Variants in FRMD5 observed in about 807,000 individuals in gnomAD.
The protein encoded by FRMD5 is FERM domain containing 5.
In FRMD5, 20 loss-of-function variants were observed where a neutral mutation model predicts 69.0. The observed-to-expected ratio is 0.29, with a 90% CI of 0.20 to 0.42. FRMD5 has a LOEUF of 0.42. FRMD5 is among the 10% of genes least tolerant of loss of function. The pLI is 1.00. For synonymous variants in FRMD5, 271 were observed against 260.1 expected (o/e 1.04, Z -0.40); for missense variants, 595 against 708.6 (o/e 0.84, Z 1.82).
chr15:44,197,335 T>C (rs2078319975), upstream of FRMD5, among the ~76,000 whole-genome samples: 2 of 152,162 alleles, frequency 1.3e-5, no homozygotes, highest in Non-Finnish European at 2.9e-5. Context: ...ATTATTAATA[T>C]GCCAAAGTGA....
chr15:44,047,809 G>A (rs1892493072), intron 1 of FRMD5, among the ~76,000 whole-genome samples: 1 of 152,166 alleles, frequency 6.6e-6, no homozygotes, highest in African/African-American at 2.4e-5. Context: ...TTTATAAAAA[G>A]GGAATCATAC....
chr15:44,131,137 A>G (rs1221290305), intron 1 of FRMD5, among the ~76,000 whole-genome samples: 1 of 152,228 alleles, frequency 6.6e-6, no homozygotes, highest in Non-Finnish European at 1.5e-5. Context: ...GTATCAAAAA[A>G]GTAATTCTTT....
At chr15:43,996,354 G>A (rs544076642) in intron 1 of FRMD5, among the ~76,000 whole-genome samples, 46 of 152,282 alleles carry the variant, frequency 3.0e-4, no homozygotes, top group Non-Finnish European at 4.6e-4. Context: ...GGCAACGTCC[G>A]GTACTCACTC....
intron 1 of FRMD5, among the ~76,000 whole-genome samples, chr15:43,926,217 G>A (rs1198856111): frequency 1.3e-5 from 2 of 152,222 alleles, no homozygotes; most frequent in African/African-American, 4.8e-5. Flanking sequence ...AGGGTGAAGT[G>A]GGAGGAGAAT....
At chr15:44,071,899 T>G (rs1376255852) in intron 1 of FRMD5, among the ~76,000 whole-genome samples, 1 of 152,218 alleles carries the variant, frequency 6.6e-6, no homozygotes, top group Non-Finnish European at 1.5e-5. Flanking sequence ...GGAATCTTGC[T>G]CTGTCACCCA....
chr15:43,965,576 CTT>C (rs35986581), intron 1 of FRMD5, among the ~76,000 whole-genome samples: 71 of 110,350 alleles, frequency 6.4e-4, no homozygotes, highest in Admixed American at 9.6e-4. Context: ...TTTAAAAAGT[CTT>C]TTTTTTTTTT....
intron 1 of FRMD5, among the ~76,000 whole-genome samples, chr15:44,059,379 TAG>T (rs1190223799): frequency 6.6e-6 from 1 of 152,188 alleles, no homozygotes; most frequent in Non-Finnish European, 1.5e-5. Flanking sequence ...AAAGCCTTCA[TAG>T]AAGAACTAGA....
intron 1 of FRMD5, chr15:44,063,512 T>A (rs1048744698): frequency 6.9e-6 from 3 of 435,236 alleles, no homozygotes; most frequent in Non-Finnish European, 9.0e-6. Flanking sequence ...TGGGACACCA[T>A]GGTGAAGGTG....
chr15:43,960,041 C>T (rs1441636668), intron 1 of FRMD5, among the ~76,000 whole-genome samples: 1 of 152,130 alleles, frequency 6.6e-6, no homozygotes, highest in Non-Finnish European at 1.5e-5. Context: ...CCTCAGCCTC[C>T]CAAGTAGCTG....
intron 1 of FRMD5, among the ~76,000 whole-genome samples, chr15:43,947,541 A>G (rs2089965715): frequency 6.6e-6 from 1 of 152,182 alleles, no homozygotes; most frequent in South Asian, 2.1e-4. Flanking sequence ...CCTGGTTTTA[A>G]GGAGGTTGCA....
intron 1 of FRMD5, among the ~76,000 whole-genome samples, chr15:44,106,506 C>T (rs887324249): frequency 3.3e-5 from 5 of 152,128 alleles, no homozygotes; most frequent in Non-Finnish European, 7.4e-5. Flanking sequence ...TAGAAGGCCT[C>T]CTACAACCAT....
At chr15:44,154,955 T>C (rs1051640205) in intron 1 of FRMD5, among the ~76,000 whole-genome samples, 6 of 152,080 alleles carry the variant, frequency 3.9e-5, no homozygotes, top group Admixed American at 6.5e-5. Flanking sequence ...AAGTTATTTT[T>C]AAAAGAAAAA....
At position 43,989,806 on chromosome 15, in the gene FRMD5, A is replaced by G. The variant is rs1227117382; in HGVS notation, c.103-65497T>C. ...CACGTACATGGCTGGCCTGTCGAAG[A>G]TCTCCAACATGATCTGGGTCATCTT... On this transcript the variant is annotated intron_variant, in intron 1 of 13. Transcript: ENST00000417257. 5 of 1,038,204 alleles carry G rather than the reference A, an allele frequency of 4.8e-6. No homozygotes were observed. In the African/African-American group the frequency reaches 6.3e-5, roughly 13 times the overall value. 64.3% of individuals were successfully genotyped at this position (1,038,204 alleles called of 1,614,324 possible). A position where few individuals can be genotyped will look rare whatever the true frequency, so the allele number is the denominator to read the frequency against.
chr15:43,881,211 C>T (rs1395430762), intron 13 of FRMD5, among the ~76,000 whole-genome samples: 1 of 152,160 alleles, frequency 6.6e-6, no homozygotes, highest in African/African-American at 2.4e-5. Flanking sequence ...TGTCCCAGCT[C>T]TCTGTGGAGG....
At chr15:44,068,952 A>G (rs577437140) in intron 1 of FRMD5, among the ~76,000 whole-genome samples, 82 of 152,326 alleles carry the variant, frequency 5.4e-4, no homozygotes, top group African/African-American at 2.0e-3. Flanking sequence ...ATTGATATCT[A>G]TAAAGCCCAG....
At chr15:44,152,511 T>C (rs1212449238) in intron 1 of FRMD5, among the ~76,000 whole-genome samples, 1 of 152,226 alleles carries the variant, frequency 6.6e-6, no homozygotes, top group Non-Finnish European at 1.5e-5. Flanking sequence ...AAGCGTATGT[T>C]TAATTTTATT....
At position 44,121,280 on chromosome 15, in the gene FRMD5, G is replaced by C. The variant is rs529680766; in HGVS notation, c.102+73673C>G. Reference sequence around the variant, plus strand: ...ACTAGGACATCTGGGGCAGGGGGGTGGGAGGGGGAGTCAGCTTTCAGTGGA... The same window carrying C: ...ACTAGGACATCTGGGGCAGGGGGGTCGGAGGGGGAGTCAGCTTTCAGTGGA... On this transcript the variant is annotated intron_variant, in intron 1 of 13. Transcript: ENST00000417257. Among the ~76,000 whole-genome samples the C allele has an allele frequency of 3.7e-5, 5 of 133,748 alleles. 1 individual carries two copies. The highest frequency in any genetic ancestry group is 5.6e-4 in the South Asian group (2 of 3,564). The allele number at this position is 133,748 out of a possible 152,430, so 87.7% of individuals were successfully genotyped here. A position where few individuals can be genotyped will look rare whatever the true frequency, so the allele number is the denominator to read the frequency against.
chr15:44,142,934 A>G (rs1042199821), intron 1 of FRMD5, among the ~76,000 whole-genome samples: 1 of 152,080 alleles, frequency 6.6e-6, no homozygotes, highest in African/African-American at 2.4e-5. Context: ...ACTAAAATAT[A>G]CAAAAATTAG....
chr15:43,905,838 T>A lies in FRMD5; in HGVS notation c.541A>T (p.Thr181Ser). ...TTAAGTGCCACGTACCTCAGTTCCG[T>A]CTTGTGAATCTCAGCAATTTTCCTT... The part of the protein sequence containing the change: ...LERKIAEIHK[T>S]ELSGQTPATS... Residue 181 changes from threonine (T) to serine (S), a missense_variant, in exon 6 of 14, where the codon ACG becomes TCG. By Grantham distance (58) the Thr-to-Ser change is moderately conservative. Around this residue, in one of 5 missense-constraint regions of FRMD5, gnomAD observed 176 missense variants for 266.3 expected, o/e 0.66. Coordinates refer to ENST00000417257, the MANE Select transcript of FRMD5 (RefSeq NM_032892.5). 1 of 1,614,162 alleles carries A rather than the reference T, an allele frequency of 6.2e-7. No individual in the cohort carries two copies. The highest frequency in any genetic ancestry group is 1.1e-5 in the South Asian group (1 of 91,074).
Sources: gnomAD v4.1 joint callset for allele counts (sites outside exome capture counted in the v4.1 genomes callset) on GRCh38, gnomAD v4.1.1 for gene constraint, gnomAD v4.1.1 regional missense constraint, MANE v1.5 for transcripts, NCBI Gene and HGNC (gene_info 2026-07-23, HGNC 2026-07-21) for gene names.